ANO2: variants seen among roughly 807,000 people sequenced by gnomAD.
The protein encoded by ANO2 is anoctamin-2.
In ANO2, 101 loss-of-function variants were observed where a neutral mutation model predicts 124.2. The ratio of observed to expected loss-of-function variants is 0.81; its 90% CI spans 0.69 to 0.96. The LOEUF is 0.96. Ranked by LOEUF, ANO2 falls within the 40% of genes least tolerant of loss-of-function variation. ANO2 has a pLI of 0.00. For synonymous variants in ANO2, 486 were observed against 482.5 expected, an observed-to-expected ratio of 1.01 and a Z score of -0.09; for missense variants, 1,293 against 1,274.5, an observed-to-expected ratio of 1.01 and a Z score of -0.22.
intron 20 of ANO2, among the ~76,000 whole-genome samples, chr12:5,592,719 C>T (rs1364796693): frequency 2.6e-5 from 4 of 152,066 alleles, no homozygotes; most frequent in African/African-American, 9.7e-5. Context: ...CCAGTAATTC[C>T]AAGGAGAAAT....
rs116553939 is a variant in ANO2 at position 5,618,884 on chromosome 12, C to G, written c.1817-3587G>C. 2.9e-3 allele frequency among the ~76,000 whole-genome samples: 440 copies of G among 152,332 alleles called. 1 individual carries two copies. Among genetic ancestry groups the G allele is most frequent in the African/African-American group, 0.01 (429 of 41,572 alleles). Reference sequence around the variant, plus strand: ...ACCTGTCAGCAGCAGAGTATCATCTCCCGTCTCATGGCAGAAAGAGTCTTA... The same window carrying G: ...ACCTGTCAGCAGCAGAGTATCATCTGCCGTCTCATGGCAGAAAGAGTCTTA... On this transcript the variant is annotated intron_variant, in intron 16 of 24. Transcript: ENST00000682330.
At chr12:5,905,036 CA>C (rs1411242844) in intron 3 of ANO2, among the ~76,000 whole-genome samples, 1 of 152,198 alleles carries the variant, frequency 6.6e-6, no homozygotes, top group African/African-American at 2.4e-5. Flanking sequence ...TTCCCCATGC[CA>C]AGCTCAGACA....
intron 17 of ANO2, among the ~76,000 whole-genome samples, chr12:5,613,866 T>G (rs896094547): frequency 6.6e-6 from 1 of 152,210 alleles, no homozygotes; most frequent in African/African-American, 2.4e-5. Context: ...TGCATGTAAT[T>G]TGCTACTGCC....
rs535834210 is a variant in ANO2, at chr12:5,763,851, A to T, written c.1056-12881T>A. Among the ~76,000 whole-genome samples the T allele has an allele frequency of 5.9e-4, 90 of 152,320 alleles. 1 individual carries two copies. Among genetic ancestry groups the T allele is most frequent in the African/African-American group, 2.1e-3 (86 of 41,590 alleles). On this transcript the variant is annotated intron_variant, in intron 10 of 24. Coordinates refer to ENST00000682330, the MANE Select transcript of ANO2 (RefSeq NM_001364791.2). ...GATTAGAGCATAAATCAATGAAATT[A>T]ATAGAAAAAAGTCAATGAAACTAAA...
At chr12:5,906,675 G>C (rs542724638) in intron 3 of ANO2, among the ~76,000 whole-genome samples, 1 of 151,962 alleles carries the variant, frequency 6.6e-6, no homozygotes, top group Non-Finnish European at 1.5e-5. Flanking sequence ...CGCACCTGTA[G>C]TCCCAGCTAC....
chr12:5,670,304 T>G (rs1947931362), intron 14 of ANO2, among the ~76,000 whole-genome samples: 1 of 152,168 alleles, frequency 6.6e-6, no homozygotes, highest in South Asian at 2.1e-4. Context: ...TCTAAGCATC[T>G]GCTATGTGTT....
intron 4 of ANO2, among the ~76,000 whole-genome samples, chr12:5,842,830 A>G (rs1430684530): frequency 6.6e-6 from 1 of 152,214 alleles, no homozygotes; most frequent in Non-Finnish European, 1.5e-5. Flanking sequence ...GGCCGTGACC[A>G]TCTCAGGTTC....
chr12:5,788,735 T>C (rs1022792898), intron 10 of ANO2, among the ~76,000 whole-genome samples: 2 of 152,122 alleles, frequency 1.3e-5, no homozygotes, highest in African/African-American at 2.4e-5. Flanking sequence ...ATTTTTGTAG[T>C]TTTAGTAGAG....
In ANO2 at chr12:5,730,395, C is replaced by A. The variant is rs138389192; in HGVS notation, c.1545+2125G>T. Among the ~76,000 whole-genome samples, 16 of 152,234 alleles carry A rather than the reference C, an allele frequency of 1.1e-4. No homozygotes were observed. The East Asian group carries it at 3.1e-3, about 29-fold the overall frequency. ...CCAGCTACGTGGTCTTAAGCAAATTCGCGCACCACTCTGGGCCTCAGTAAA... is the reference window on the plus strand; with the variant it reads ...CCAGCTACGTGGTCTTAAGCAAATTAGCGCACCACTCTGGGCCTCAGTAAA... On this transcript the variant is annotated intron_variant, in intron 14 of 24. Coordinates refer to ENST00000682330, the MANE Select transcript of ANO2 (RefSeq NM_001364791.2).
At chr12:5,631,797 G>A (rs1945732886) in intron 16 of ANO2, among the ~76,000 whole-genome samples, 1 of 152,172 alleles carries the variant, frequency 6.6e-6, no homozygotes, top group Admixed American at 6.5e-5. Context: ...GGTCAGTTGG[G>A]GTGGAGGAGC....
chr12:5,945,367 G>T, upstream of ANO2: 1 of 804,180 alleles, frequency 1.2e-6, no homozygotes, highest in Non-Finnish European at 1.5e-6. Context: ...CCTCCCGGCC[G>T]CCGGCGCCGC....
chr12:5,664,324 C>CATCT (rs1947595235), intron 14 of ANO2, among the ~76,000 whole-genome samples: 1 of 152,000 alleles, frequency 6.6e-6, no homozygotes. Context: ...CCCATCTTTC[C>CATCT]ATCTATCCAC....
intron 19 of ANO2, among the ~76,000 whole-genome samples, chr12:5,610,971 G>GT (rs1944515332): frequency 8.3e-6 from 1 of 120,860 alleles, no homozygotes; most frequent in African/African-American, 2.9e-5. Flanking sequence ...AAACTTCTCT[G>GT]CTTTTTTTTT....
At chr12:5,845,214 G>A (rs1051287125) in intron 4 of ANO2, among the ~76,000 whole-genome samples, 3 of 151,776 alleles carry the variant, frequency 2.0e-5, no homozygotes, top group Admixed American at 6.6e-5. Context: ...GCAATAAACC[G>A]TGACTGTACC....
chr12:5,588,922 G>A (rs1943255715), intron 20 of ANO2, among the ~76,000 whole-genome samples: 1 of 152,202 alleles, frequency 6.6e-6, no homozygotes, highest in African/African-American at 2.4e-5. Context: ...CTGCTAGATA[G>A]AAGCAGAGCT....
intron 22 of ANO2, 120 bp downstream of exon 22, chr12:5,577,835 C>A: frequency 5.0e-6 from 5 of 993,564 alleles, no homozygotes; most frequent in Non-Finnish European, 7.5e-6. Flanking sequence ...GCACTGTCAC[C>A]AATAAAGCTA....
At chr12:5,634,705 G>A (rs1442816877) in intron 16 of ANO2, among the ~76,000 whole-genome samples, 4 of 152,144 alleles carry the variant, frequency 2.6e-5, no homozygotes, top group South Asian at 2.1e-4. Flanking sequence ...CTGACAATAC[G>A]GGGATAGATA....
chr12:5,926,318 C>A (rs1942076241), intron 1 of ANO2, among the ~76,000 whole-genome samples: 1 of 152,234 alleles, frequency 6.6e-6, no homozygotes, highest in South Asian at 2.1e-4. Flanking sequence ...GCCCTCCTAA[C>A]AGATCTCCCT....
chr12:5,578,590 C>T (rs1942562886), intron 20 of ANO2, 72 bp from the exon 21 acceptor site: 1 of 1,492,946 alleles, frequency 6.7e-7, no homozygotes, highest in South Asian at 1.3e-5. Context: ...CTTGCAGCTA[C>T]AGCCCCTTGT....
Sources: gnomAD v4.1 joint callset for allele counts (sites outside exome capture counted in the v4.1 genomes callset) on GRCh38, gnomAD v4.1.1 for gene constraint, MANE v1.5 for transcripts, NCBI Gene and HGNC (gene_info 2026-07-23, HGNC 2026-07-21) for gene names.